UBN1: variants seen among roughly 807,000 people sequenced by gnomAD.
The protein encoded by UBN1 is ubinuclein 1.
Under a neutral mutation model 108.5 loss-of-function variants are expected in UBN1, and 17 were observed. The observed-to-expected ratio is 0.16, with a 90% CI of 0.11 to 0.24. The LOEUF is 0.24. Among genes scored for constraint, UBN1 ranks in the 10% least tolerant of loss-of-function variants. The probability of loss-of-function intolerance (pLI) is 1.00; values close to 1 mark genes in which losing one functional copy is unlikely to be tolerated. For missense variants in UBN1, 1,595 were observed against 1,394.4 expected, an observed-to-expected ratio of 1.14 and a Z score of -2.29; for synonymous variants, 726 against 564.2, an observed-to-expected ratio of 1.29 and a Z score of -4.07.
Position 4,868,912 on chromosome 16 carries a change from C to CGTCT in UBN1, c.1181+32_1181+35dup, listed in dbSNP as rs142352299. 7.0e-3 allele frequency: 11,367 copies of CGTCT among 1,612,560 alleles called. 42 individuals are homozygous for CGTCT. The highest frequency in any genetic ancestry group is 8.3e-3 in the Non-Finnish European group (9,736 of 1,179,054). ...AATGGAATCCTATTAGAGTGAGTAT[C>CGTCT]GTCTGTCTGTCTGTCTGTCTGTCTG... On this transcript the variant is annotated intron_variant, in intron 8 of 17. Transcript: ENST00000262376.
chr16:4,870,524 T>C lies in UBN1; in HGVS notation c.1320T>C (p.Arg440=). The stretch of plus-strand genomic sequence containing the variant: ...TGTCCCGCTCTTCGCAGGGGGGCCG[T>C]CTGAAGGAGCCTCTCCAGAAGCTCA... The part of the protein sequence containing the change: ...RKLHLYEQGG[R]LKEPLQKLKE... The change falls in exon 10 of 18, where the codon CGT becomes CGC. Residue 440 remains arginine (R), a synonymous_variant. Coordinates refer to ENST00000262376, the MANE Select transcript of UBN1 (RefSeq NM_001079514.3). The C allele has an allele frequency of 6.2e-7, 1 of 1,614,198 alleles. No individual in the cohort carries two copies.
Position 4,853,351 on chromosome 16 carries a change from A to G in UBN1, c.249+185A>G, listed in dbSNP as rs118000446. ...CCTCTGTGCGCAAAGGGAGAGGCCA[A>G]TTTGAATTATGACTAATTAACATAA... On this transcript the variant is annotated intron_variant, in intron 2 of 17. Transcript: ENST00000262376. Among the ~76,000 whole-genome samples, 51 of 152,304 alleles carry G rather than the reference A, an allele frequency of 3.3e-4. 2 individuals carry two copies. In the East Asian group the frequency reaches 6.7e-3, roughly 20 times the overall value.
Position 4,861,068 on chromosome 16 carries a change from C to T in UBN1, c.1076C>T (p.Ala359Val), listed in dbSNP as rs1008033631. ...QPSSLPEGLPAPLEKRVKELA... is the reference protein window; with the variant it reads ...QPSSLPEGLPVPLEKRVKELA... Reference sequence around the variant, plus strand: ...TCTTCTCTCCCCGAAGGCCTGCCAGCACCCCTGGAGAAGCGCGTTAAGGAG... The same window carrying T: ...TCTTCTCTCCCCGAAGGCCTGCCAGTACCCCTGGAGAAGCGCGTTAAGGAG... The change falls in exon 7 of 18, where the codon GCA (alanine) becomes GTA (valine). Residue 359 changes from alanine (A) to valine (V), a missense_variant. By Grantham distance (64) the Ala-to-Val change is moderately conservative (BLOSUM62 0). Around this residue, in one of 3 missense-constraint regions of UBN1, gnomAD observed 1,398 missense variants for 1,194.7 expected, o/e 1.17. Coordinates refer to ENST00000262376, the MANE Select transcript of UBN1 (RefSeq NM_001079514.3). The T allele has an allele frequency of 5.0e-6, 8 of 1,613,802 alleles. No homozygotes were observed. In the Admixed American group the frequency reaches 5.0e-5, roughly 10 times the overall value.
chr16:4,850,098 A>ATC (rs2086486498), intron 1 of UBN1, among the ~76,000 whole-genome samples: 1 of 152,080 alleles, frequency 6.6e-6, no homozygotes, highest in Non-Finnish European at 1.5e-5. Flanking sequence ...TTGAATTATG[A>ATC]TTGTAAGTCT....
At chr16:4,863,962 G>A (rs2087193615) in intron 7 of UBN1, among the ~76,000 whole-genome samples, 1 of 152,032 alleles carries the variant, frequency 6.6e-6, no homozygotes, top group Non-Finnish European at 1.5e-5. Context: ...TTTGGTCAGA[G>A]CAAATCACAA....
chr16:4,880,483 T>C lies in UBN1; in HGVS notation c.*351T>C, dbSNP rs1005717786. ...TGGCACACCTGTGGGTGAATCTGCC[T>C]GATCCCCTGGCATTTGGTCAGAGTA... is the stretch of plus-strand genomic sequence containing the variant. On this transcript the variant is annotated 3_prime_UTR_variant, in exon 18 of 18. Transcript: ENST00000262376. The C allele has an allele frequency of 4.4e-5, 11 of 248,268 alleles. No homozygotes were observed. Among genetic ancestry groups the C allele is most frequent in the African/African-American group, 8.6e-5 (4 of 46,508 alleles). 15.4% of individuals were successfully genotyped at this position (248,268 alleles called of 1,614,324 possible).
chr16:4,850,495 A>T (rs2086506953), intron 1 of UBN1, among the ~76,000 whole-genome samples: 1 of 152,184 alleles, frequency 6.6e-6, no homozygotes, highest in African/African-American at 2.4e-5. Flanking sequence ...GGAATCTGTA[A>T]GCCTTCAGCT....
rs762894030 is a variant in UBN1 at position 4,873,088 on chromosome 16, T to C, written c.1800+15T>C. ...TCAAGGTGAAGGTGAGTCAGTTTGC[T>C]CGGGTCACATGTCAGCTATGCCCAT... is the stretch of plus-strand genomic sequence containing the variant. On this transcript the variant is annotated intron_variant, in intron 14 of 17. Transcript: ENST00000262376. 2 of 1,614,104 alleles carry C rather than the reference T, an allele frequency of 1.2e-6. No homozygotes were observed. The highest frequency in any genetic ancestry group is 2.7e-5 in the African/African-American group (2 of 74,936).
chr16:4,875,283 T>C lies in UBN1; in HGVS notation c.2873T>C (p.Met958Thr), dbSNP rs2087826384. The change falls in exon 15 of 18, where the codon ATG (methionine) becomes ACG (threonine). Residue 958 changes from methionine (M) to threonine (T), a missense_variant. Met to Thr is a moderately conservative substitution (Grantham distance 81). Coordinates refer to ENST00000262376, the MANE Select transcript of UBN1 (RefSeq NM_001079514.3). Reference sequence around the variant, plus strand: ...GTCCCAAGTTCAGCAGGGAAAAAAATGCCTGTTTCCCAGAAGTTGACTCTG... The same window carrying C: ...GTCCCAAGTTCAGCAGGGAAAAAAACGCCTGTTTCCCAGAAGTTGACTCTG... ...RPVPSSAGKKMPVSQKLTLVA... is the reference protein window; with the variant it reads ...RPVPSSAGKKTPVSQKLTLVA... The C allele has an allele frequency of 2.5e-6, 4 of 1,614,024 alleles. No individual in the cohort carries two copies. The highest frequency in any genetic ancestry group is 1.7e-5 in the Admixed American group (1 of 59,992).
At chr16:4,848,741 A>G (rs557947959) in intron 1 of UBN1, among the ~76,000 whole-genome samples, 51 of 152,368 alleles carry the variant, frequency 3.3e-4, no homozygotes, top group African/African-American at 1.1e-3. Flanking sequence ...AAAATTTAAC[A>G]TAAGTTCCTG....
At chr16:4,860,543 C>T in intron 6 of UBN1, 121 bp from the exon 7 acceptor site, 2 of 1,015,572 alleles carry the variant, frequency 2.0e-6, no homozygotes, top group Non-Finnish European at 2.9e-6. Flanking sequence ...GGAGGAATGA[C>T]AGGGTGGACT....
At chr16:4,855,443 C>T (rs767399907) in intron 2 of UBN1, among the ~76,000 whole-genome samples, 12 of 151,808 alleles carry the variant, frequency 7.9e-5, no homozygotes. Flanking sequence ...AGTGAAACTC[C>T]ATCTGTGCAA....
rs953587186 is a variant in UBN1, at chr16:4,870,980, C to T, written c.1559+8C>T. ...ATGGAATGATGAGATCAGGTGTGCC[C>T]ACACTGGGACTTGGCCTCTTTGGAG... On this transcript the variant is annotated splice_region_variant and intron_variant, in intron 11 of 17. Transcript: ENST00000262376. The T allele has an allele frequency of 1.2e-6, 2 of 1,613,920 alleles. No homozygotes were observed. The highest frequency in any genetic ancestry group is 1.1e-5 in the South Asian group (1 of 91,054).
chr16:4,851,053 T>C (rs2086533598), intron 1 of UBN1, among the ~76,000 whole-genome samples: 1 of 152,200 alleles, frequency 6.6e-6, no homozygotes, highest in African/African-American at 2.4e-5. Flanking sequence ...TAGATATCTG[T>C]GATGTTGCTT....
At chr16:4,857,210 C>T (rs917397207) in intron 2 of UBN1, among the ~76,000 whole-genome samples, 2 of 151,706 alleles carry the variant, frequency 1.3e-5, no homozygotes, top group African/African-American at 4.8e-5. Context: ...TTTAGCTAGG[C>T]ATAGTGTTGT....
At chr16:4,876,738 A>T (rs1234199662) in intron 15 of UBN1, 133 bp from the exon 16 acceptor site, 1 of 1,416,092 alleles carries the variant, frequency 7.1e-7, no homozygotes, top group East Asian at 2.4e-5. Context: ...GGTGCCTCCC[A>T]GGGCCATCTG....
rs141880836 is a variant in UBN1, at chr16:4,877,063, A to G, written c.3217A>G (p.Ile1073Val). 67 of 1,614,060 alleles carry G rather than the reference A, an allele frequency of 4.2e-5. No homozygotes were observed. The highest frequency in any genetic ancestry group is 2.9e-4 in the African/African-American group (22 of 74,954). ...CAAAGCAGGGGTCTCCAAGGATGCC[A>G]TCGTCACAGGCCCTGCCCCCGGGTC... ...SAKAGVSKDA[I>V]VTGPAPGSFH... The change falls in exon 16 of 18, where the codon ATC (isoleucine) becomes GTC (valine). Residue 1073 changes from isoleucine to valine, a missense_variant. Coordinates refer to ENST00000262376, the MANE Select transcript of UBN1 (RefSeq NM_001079514.3). This position sits in a 1 kb window ranked among gnomAD's most constrained non-coding sequence, Gnocchi z 4.3.
At chr16:4,856,420 G>T (rs9935725) in intron 2 of UBN1, among the ~76,000 whole-genome samples, 7,784 of 152,230 alleles carry the variant, frequency 0.051, 665 homozygotes, top group African/African-American at 0.18. Context: ...GTCCTTAATA[G>T]TATGAAGGCA....
At chr16:4,867,401 GCTAA>G (rs140022602) in intron 7 of UBN1, among the ~76,000 whole-genome samples, 20,720 of 152,140 alleles carry the variant, frequency 0.14, 1,575 homozygotes, top group East Asian at 0.24. Flanking sequence ...TGTATAGAGG[GCTAA>G]CTTTTTGTAT....
Sources: gnomAD v4.1 joint callset for allele counts (sites outside exome capture counted in the v4.1 genomes callset) on GRCh38, gnomAD v4.1.1 for gene constraint, gnomAD v4.1.1 regional missense constraint, Gnocchi (gnomAD v3.1) non-coding constraint, MANE v1.5 for transcripts, NCBI Gene and HGNC (gene_info 2026-07-23, HGNC 2026-07-21) for gene names.